B3GALT1: variants seen among roughly 807,000 people sequenced by gnomAD.
The protein encoded by B3GALT1 is beta-1,3-galactosyltransferase 1, also known as UDP-Gal:betaGlcNAc beta 1,3-galactosyltransferase, polypeptide 1.
A neutral mutation model predicts 23.2 loss-of-function variants in B3GALT1; 10 were observed. The ratio of observed to expected loss-of-function variants is 0.43; its 90% CI spans 0.27 to 0.73. B3GALT1 has a LOEUF of 0.73. Ranked by LOEUF, B3GALT1 falls within the 30% of genes least tolerant of loss-of-function variation. The probability of loss-of-function intolerance (pLI) is 0.21; values close to 1 mark genes in which losing one functional copy is unlikely to be tolerated. For missense variants in B3GALT1, 299 were observed against 405.4 expected (o/e 0.74, Z 2.25); for synonymous variants, 156 against 141.5 (o/e 1.10, Z -0.73).
intron 1 of B3GALT1, among the ~76,000 whole-genome samples, chr2:167,382,688 G>A (rs1226500317): frequency 6.6e-6 from 1 of 152,150 alleles, no homozygotes; most frequent in Non-Finnish European, 1.5e-5. Context: ...TAGAAACCTA[G>A]CCAAGTTTTC....
intron 3 of B3GALT1, among the ~76,000 whole-genome samples, chr2:167,758,806 CT>C (rs1376315582): frequency 2.6e-5 from 4 of 152,116 alleles, no homozygotes; most frequent in African/African-American, 9.7e-5. Context: ...GCTGGCTGGT[CT>C]ACAGATGGTC....
At chr2:167,856,009 G>A (rs1574303750) in intron 4 of B3GALT1, among the ~76,000 whole-genome samples, 1 of 152,068 alleles carries the variant, frequency 6.6e-6, no homozygotes, top group South Asian at 2.1e-4. Context: ...AAAGGGCCAA[G>A]TAAAAACATC....
chr2:167,344,973 T>A (rs1366659992), intron 1 of B3GALT1, among the ~76,000 whole-genome samples: 1 of 152,222 alleles, frequency 6.6e-6, no homozygotes, highest in Non-Finnish European at 1.5e-5. Context: ...CATTTGGAGC[T>A]GTCAATTAAG....
chr2:167,741,665 G>C (rs1005458549), intron 3 of B3GALT1, among the ~76,000 whole-genome samples: 4 of 152,128 alleles, frequency 2.6e-5, no homozygotes. Flanking sequence ...CCCAGCCCTT[G>C]TAACCACAAT....
At chr2:167,563,256 G>A (rs1463119698) in intron 2 of B3GALT1, among the ~76,000 whole-genome samples, 6 of 146,772 alleles carry the variant, frequency 4.1e-5, no homozygotes, top group Non-Finnish European at 8.9e-5. Context: ...CCTCCCAGAC[G>A]GGGCGGCTGG....
At chr2:167,704,671 G>A (rs1284783356) in intron 3 of B3GALT1, among the ~76,000 whole-genome samples, 1 of 152,022 alleles carries the variant, frequency 6.6e-6, no homozygotes, top group Non-Finnish European at 1.5e-5. Context: ...AGAGATCAGT[G>A]GTACATTAGT....
chr2:167,455,756 G>T (rs568912530), intron 1 of B3GALT1, among the ~76,000 whole-genome samples: 1 of 152,042 alleles, frequency 6.6e-6, no homozygotes, highest in East Asian at 1.9e-4. Flanking sequence ...CAGGCTATCC[G>T]CCTGCCTAAG....
chr2:167,463,032 A>G (rs2105326584), intron 1 of B3GALT1, among the ~76,000 whole-genome samples: 1 of 152,276 alleles, frequency 6.6e-6, no homozygotes, highest in South Asian at 2.1e-4. Context: ...TTTCTACTTC[A>G]GCTTCTGGAA....
chr2:167,563,977 C>T (rs896757299), intron 2 of B3GALT1, among the ~76,000 whole-genome samples: 4,397 of 137,390 alleles, frequency 0.032, 153 homozygotes, highest in African/African-American at 0.08. Context: ...CCCTTCCGGA[C>T]GGGGCAGCCG....
At chr2:167,774,937 T>G (rs1287284453) in intron 3 of B3GALT1, among the ~76,000 whole-genome samples, 1 of 152,232 alleles carries the variant, frequency 6.6e-6, no homozygotes, top group African/African-American at 2.4e-5. Flanking sequence ...CATTTGCCTA[T>G]CAGAGCAGAA....
At chr2:167,333,081 C>T in intron 1 of B3GALT1, among the ~76,000 whole-genome samples, 2 of 152,240 alleles carry the variant, frequency 1.3e-5, no homozygotes, top group South Asian at 4.2e-4. Flanking sequence ...GAACCATGTG[C>T]ATTTACTTTC....
chr2:167,591,024 T>C (rs747013286), intron 2 of B3GALT1, among the ~76,000 whole-genome samples: 3 of 152,158 alleles, frequency 2.0e-5, no homozygotes, highest in Non-Finnish European at 2.9e-5. Context: ...ACTGGAATTA[T>C]AACATGAACA....
intron 2 of B3GALT1, among the ~76,000 whole-genome samples, chr2:167,523,161 A>G (rs887042443): frequency 1.1e-4 from 16 of 152,136 alleles, no homozygotes; most frequent in East Asian, 1.9e-4. Flanking sequence ...TTCATTCACA[A>G]TTCCATGCAG....
chr2:167,718,090 A>T (rs1273890121), intron 3 of B3GALT1, among the ~76,000 whole-genome samples: 4 of 152,162 alleles, frequency 2.6e-5, no homozygotes, highest in Non-Finnish European at 4.4e-5. Flanking sequence ...GAGCATTTTG[A>T]TTTGTTTGGA....
At chr2:167,838,585 T>A (rs1327542365) in intron 4 of B3GALT1, among the ~76,000 whole-genome samples, 2 of 152,288 alleles carry the variant, frequency 1.3e-5, no homozygotes, top group Non-Finnish European at 2.9e-5. Flanking sequence ...CACAGCCGAA[T>A]TCTACCAGAG....
intron 2 of B3GALT1, among the ~76,000 whole-genome samples, chr2:167,629,507 C>T (rs1164711176): frequency 1.3e-5 from 2 of 151,622 alleles, no homozygotes; most frequent in African/African-American, 4.8e-5. Context: ...AACATGAGCT[C>T]ATCCTAAAAA....
intron 2 of B3GALT1, among the ~76,000 whole-genome samples, chr2:167,634,025 C>A (rs1685505172): frequency 6.6e-6 from 1 of 152,150 alleles, no homozygotes; most frequent in Admixed American, 6.6e-5. Flanking sequence ...CAAATTAGAA[C>A]TCAGGATTAA....
intron 3 of B3GALT1, among the ~76,000 whole-genome samples, chr2:167,772,271 G>A (rs148493880): frequency 6.6e-6 from 1 of 152,094 alleles, no homozygotes; most frequent in Non-Finnish European, 1.5e-5. Context: ...AAGTCACAAC[G>A]ATATTTTCCC....
intron 3 of B3GALT1, among the ~76,000 whole-genome samples, chr2:167,738,326 A>G (rs1687523718): frequency 6.6e-6 from 1 of 152,320 alleles, no homozygotes; most frequent in South Asian, 2.1e-4. Flanking sequence ...GTCATTGTGC[A>G]TCTATATATG....
Sources: gnomAD v4.1 joint callset for allele counts (sites outside exome capture counted in the v4.1 genomes callset) on GRCh38, gnomAD v4.1.1 for gene constraint, MANE v1.5 for transcripts, NCBI Gene and HGNC (gene_info 2026-07-23, HGNC 2026-07-21) for gene names.